The following TMEM117 variants were observed in gnomAD, a reference collection of about 807,000 sequenced individuals.
TMEM117 encodes transmembrane protein 117.
TMEM117 carries 27 observed loss-of-function variants against 52.4 expected under a neutral mutation model. The ratio of observed to expected loss-of-function variants is 0.51; its 90% CI spans 0.38 to 0.71. TMEM117 has a LOEUF of 0.71. Among genes scored for constraint, TMEM117 ranks in the 30% least tolerant of loss-of-function variants. The pLI is 0.00. For synonymous variants in TMEM117, 215 were observed against 206.3 expected, an observed-to-expected ratio of 1.04 and a Z score of -0.36; for missense variants, 556 against 630.5, an observed-to-expected ratio of 0.88 and a Z score of 1.26.
At chr12:44,120,664 CTT>C (rs1948219028) in intron 3 of TMEM117, among the ~76,000 whole-genome samples, 1 of 152,184 alleles carries the variant, frequency 6.6e-6, no homozygotes, top group Admixed American at 6.5e-5. Flanking sequence ...GGTGATTTGA[CTT>C]TTTCTGTTGG....
At chr12:43,836,369 T>C (rs1011034355) in intron 1 of TMEM117, among the ~76,000 whole-genome samples, 173 bp downstream of exon 1, 6 of 152,114 alleles carry the variant, frequency 3.9e-5, no homozygotes, top group Non-Finnish European at 7.4e-5. Flanking sequence ...GCGCCTCTGC[T>C]CCTGCCTTCC....
chr12:44,334,115 T>C (rs1951308394), intron 6 of TMEM117, among the ~76,000 whole-genome samples: 1 of 152,084 alleles, frequency 6.6e-6, no homozygotes, highest in Admixed American at 6.6e-5. Flanking sequence ...TAATGTTCTT[T>C]CTTGGACTTC....
At chr12:43,951,425 G>T (rs941574049) in intron 3 of TMEM117, among the ~76,000 whole-genome samples, 1 of 152,168 alleles carries the variant, frequency 6.6e-6, no homozygotes, top group Non-Finnish European at 1.5e-5. Context: ...CAGCAGTCTC[G>T]AATCTGCCTG....
the TMEM117 span, among the ~76,000 whole-genome samples, chr12:43,812,156 A>G: frequency 1.2e-4 from 19 of 152,220 alleles, no homozygotes; most frequent in African/African-American, 3.6e-4. Flanking sequence ...ACAGACATCA[A>G]TAGTCTCTGA....
At chr12:44,211,173 TATA>T in intron 4 of TMEM117, 114 bp from the exon 5 acceptor site, 1 of 724,560 alleles carries the variant, frequency 1.4e-6, no homozygotes, top group Non-Finnish European at 2.3e-6. Flanking sequence ...CTGCATATGT[TATA>T]ATGTTAAAAC....
intron 6 of TMEM117, among the ~76,000 whole-genome samples, chr12:44,300,057 G>C (rs1306455669): frequency 1.3e-5 from 2 of 152,144 alleles, no homozygotes; most frequent in Non-Finnish European, 2.9e-5. Flanking sequence ...AAAAATCCTT[G>C]TCATTTAGTA....
chr12:43,954,033 A>G (rs1304476431), intron 3 of TMEM117, among the ~76,000 whole-genome samples: 1 of 152,246 alleles, frequency 6.6e-6, no homozygotes, highest in Non-Finnish European at 1.5e-5. Context: ...TGGAAATTGA[A>G]CAACCTGTTC....
At position 43,976,584 on chromosome 12, in the gene TMEM117, T is replaced by C. The variant is rs183886244; in HGVS notation, c.410+32242T>C. 3.6e-3 allele frequency among the ~76,000 whole-genome samples: 542 copies of C among 152,322 alleles called. 9 individuals carry two copies. The highest frequency in any genetic ancestry group is 2.0e-3 in the Non-Finnish European group (136 of 68,024). Reference sequence around the variant, plus strand: ...ACAAATTTATCTAGATCGATTTCTTTACATTCCCTTATTATCTGCCCTCAC... The same window carrying C: ...ACAAATTTATCTAGATCGATTTCTTCACATTCCCTTATTATCTGCCCTCAC... On this transcript the variant is annotated intron_variant, in intron 3 of 7. Coordinates refer to ENST00000266534, the MANE Select transcript of TMEM117 (RefSeq NM_032256.3).
At chr12:44,119,997 A>G (rs899173962) in intron 3 of TMEM117, among the ~76,000 whole-genome samples, 1 of 152,142 alleles carries the variant, frequency 6.6e-6, no homozygotes, top group Non-Finnish European at 1.5e-5. Flanking sequence ...GGCTTTTAAA[A>G]GAAGTCACTT....
chr12:43,880,679 TG>T (rs1943880673), intron 2 of TMEM117, among the ~76,000 whole-genome samples: 2 of 152,164 alleles, frequency 1.3e-5, no homozygotes, highest in Admixed American at 6.5e-5. Context: ...AGAGCCAGAG[TG>T]GTGTGACCTC....
chr12:43,835,754 A>G (rs1462724745), upstream of TMEM117, among the ~76,000 whole-genome samples: 3 of 152,194 alleles, frequency 2.0e-5, no homozygotes, highest in East Asian at 5.8e-4. Flanking sequence ...CCTCGCCTGC[A>G]GCTGCCGCTC....
chr12:44,104,359 T>C (rs1947916154), intron 3 of TMEM117, among the ~76,000 whole-genome samples: 3 of 152,016 alleles, frequency 2.0e-5, no homozygotes, highest in African/African-American at 7.2e-5. Context: ...GCATACACAA[T>C]CTCATCAATC....
chr12:43,872,262 A>G (rs1424700906), intron 2 of TMEM117, among the ~76,000 whole-genome samples: 1 of 152,140 alleles, frequency 6.6e-6, no homozygotes, highest in Non-Finnish European at 1.5e-5. Flanking sequence ...ATTATTTTCT[A>G]TTTTTGGCTT....
the TMEM117 span, among the ~76,000 whole-genome samples, chr12:44,397,139 G>T: frequency 1.3e-5 from 2 of 152,190 alleles, no homozygotes; most frequent in Non-Finnish European, 2.9e-5. Flanking sequence ...AGCAAACCAG[G>T]ACAAAGCATG....
intron 3 of TMEM117, among the ~76,000 whole-genome samples, chr12:44,061,903 G>A (rs1020891708): frequency 6.6e-6 from 1 of 152,148 alleles, no homozygotes; most frequent in Non-Finnish European, 1.5e-5. Flanking sequence ...TGAATAAGAG[G>A]TGGTTATCTT....
chr12:43,982,107 C>T (rs1945770268), intron 3 of TMEM117, among the ~76,000 whole-genome samples: 1 of 152,108 alleles, frequency 6.6e-6, no homozygotes, highest in South Asian at 2.1e-4. Flanking sequence ...TATCAAAACA[C>T]TAAATTGTAC....
In TMEM117 at chr12:43,930,605, C is replaced by T. The variant is rs543811853; in HGVS notation, c.278-13605C>T. Among the ~76,000 whole-genome samples the T allele has an allele frequency of 1.1e-3, 169 of 152,220 alleles. 1 individual carries two copies. Among genetic ancestry groups the T allele is most frequent in the African/African-American group, 4.0e-3 (166 of 41,534 alleles). ...TGCCTGCCTTGCTTGCTTTTTGATG[C>T]CTTCAAACAGTGGCCTTCATTATGA... On this transcript the variant is annotated intron_variant, in intron 2 of 7. Transcript: ENST00000266534.
At chr12:44,303,358 A>AT (rs148593803) in intron 6 of TMEM117, among the ~76,000 whole-genome samples, 45 of 151,620 alleles carry the variant, frequency 3.0e-4, no homozygotes, top group African/African-American at 7.5e-4. Flanking sequence ...TGGTATTGTA[A>AT]TTTTTTTTTA....
intron 5 of TMEM117, among the ~76,000 whole-genome samples, chr12:44,231,456 TG>T (rs1446782809): frequency 6.6e-6 from 1 of 151,866 alleles, no homozygotes; most frequent in African/African-American, 2.4e-5. Context: ...CTTGCATACA[TG>T]TCTCTTGGAT....
Sources: allele counts gnomAD v4.1 joint callset (sites outside exome capture counted in the v4.1 genomes callset), GRCh38; gene constraint gnomAD v4.1.1; transcripts MANE v1.5; gene names NCBI Gene and HGNC (gene_info 2026-07-23, HGNC 2026-07-21).